FBN1: variants seen among roughly 807,000 people sequenced by gnomAD.
FBN1 encodes fibrillin 1.
Under a neutral mutation model 365.1 loss-of-function variants are expected in FBN1, and 29 were observed. The ratio of observed to expected loss-of-function variants is 0.08; its 90% CI spans 0.06 to 0.11. The LOEUF (loss-of-function observed/expected upper bound fraction) is 0.11, where lower values mean the gene tolerates loss of function less well. Among genes scored for constraint, FBN1 ranks in the 10% least tolerant of loss-of-function variants. The pLI is 1.00. For missense variants in FBN1, 2,476 were observed against 3,703.2 expected (o/e 0.67, Z 8.60); for synonymous variants, 1,210 against 1,270.5 (o/e 0.95, Z 1.01).
At chr15:48,482,087 C>G (rs1262303380) in intron 31 of FBN1, among the ~76,000 whole-genome samples, 1 of 152,156 alleles carries the variant, frequency 6.6e-6, no homozygotes, top group African/African-American at 2.4e-5. Flanking sequence ...GAACAGCATA[C>G]TCTATTGCAG....
At chr15:48,534,230 G>GA (rs373084568) in intron 7 of FBN1, 25 bp from the exon 8 acceptor site, 150,393 of 1,108,956 alleles carry the variant, frequency 0.14, no homozygotes, top group South Asian at 0.19. Flanking sequence ...AAGACAGAGA[G>GA]AAAAAAAAAA....
At chr15:48,445,125 TA>T (rs1048863771) in intron 48 of FBN1, among the ~76,000 whole-genome samples, 32 of 135,844 alleles carry the variant, frequency 2.4e-4, no homozygotes, top group African/African-American at 8.8e-4. Flanking sequence ...TATATACACA[TA>T]TATATATATA....
intron 49 of FBN1, among the ~76,000 whole-genome samples, chr15:48,443,222 T>C (rs2043129969): frequency 6.6e-6 from 1 of 152,214 alleles, no homozygotes; most frequent in South Asian, 2.1e-4. Context: ...AATTACTCCA[T>C]TCTGACACTC....
At chr15:48,486,968 A>G (rs2043512093) in intron 29 of FBN1, 107 bp downstream of exon 29, 2 of 872,764 alleles carry the variant, frequency 2.3e-6, no homozygotes, top group Admixed American at 7.3e-5. Context: ...GAGTACATAG[A>G]GTGTTTTAGG....
intron 6 of FBN1, among the ~76,000 whole-genome samples, chr15:48,591,088 A>C (rs2044473128): frequency 6.6e-6 from 1 of 152,232 alleles, no homozygotes; most frequent in African/African-American, 2.4e-5. Context: ...AAAAGGCTTC[A>C]TCCTCTGGCT....
chr15:48,602,628 T>C (rs1034611602), intron 4 of FBN1, among the ~76,000 whole-genome samples: 1 of 152,138 alleles, frequency 6.6e-6, no homozygotes, highest in Non-Finnish European at 1.5e-5. Context: ...CATGTATGAA[T>C]GCAGAAATAA....
At chr15:48,633,671 G>A (rs978443120) in intron 2 of FBN1, among the ~76,000 whole-genome samples, 11 of 152,120 alleles carry the variant, frequency 7.2e-5, no homozygotes, top group South Asian at 2.1e-4. Flanking sequence ...AGGGCTGACC[G>A]CTGAGAGAGT....
intron 6 of FBN1, among the ~76,000 whole-genome samples, chr15:48,539,574 G>A (rs1163757888): frequency 6.6e-6 from 1 of 152,140 alleles, no homozygotes; most frequent in Non-Finnish European, 1.5e-5. Context: ...CTATGAGGAT[G>A]ATGAATTGAA....
At chr15:48,571,312 T>C (rs572212315) in intron 6 of FBN1, among the ~76,000 whole-genome samples, 2 of 152,272 alleles carry the variant, frequency 1.3e-5, no homozygotes, top group African/African-American at 4.8e-5. Flanking sequence ...AGATCTGTCT[T>C]AGGCCTACAA....
intron 55 of FBN1, 48 bp downstream of exon 55, chr15:48,432,818 C>G (rs1454487066): frequency 6.2e-7 from 1 of 1,611,060 alleles, no homozygotes; most frequent in Non-Finnish European, 8.5e-7. Flanking sequence ...CATCTCCCCT[C>G]ACAGATAAAG....
intron 26 of FBN1, 62 bp downstream of exon 26, chr15:48,488,306 G>A (rs1304016020): frequency 4.3e-6 from 7 of 1,611,392 alleles, no homozygotes; most frequent in Non-Finnish European, 5.9e-6. Context: ...GCGACAATAT[G>A]TTAAAGATAA....
intron 4 of FBN1, among the ~76,000 whole-genome samples, chr15:48,604,822 T>C (rs2044594030): frequency 6.6e-6 from 1 of 152,212 alleles, no homozygotes; most frequent in South Asian, 2.1e-4. Context: ...ACTTTCAGGA[T>C]GGTTGCACCA....
intron 2 of FBN1, among the ~76,000 whole-genome samples, chr15:48,635,434 A>T (rs926077572): frequency 6.6e-6 from 1 of 152,156 alleles, no homozygotes; most frequent in Non-Finnish European, 1.5e-5. Context: ...TAATGTGGCT[A>T]CTCCATTTAT....
In FBN1 at chr15:48,441,638, C is replaced by T. The variant is rs914577793; in HGVS notation, c.6163+83G>A. On this transcript the variant is annotated intron_variant, in intron 50 of 65. Transcript: ENST00000316623. Reference sequence around the variant, plus strand: ...CTCCATCTTCCTGTTCACAAAGAAACAGAGCTTTGCCATGTTTGAAAAATA... The same window carrying T: ...CTCCATCTTCCTGTTCACAAAGAAATAGAGCTTTGCCATGTTTGAAAAATA... The T allele has an allele frequency of 3.2e-5, 49 of 1,545,468 alleles. No homozygotes were observed. In the Admixed American group the frequency reaches 7.5e-4, roughly 24 times the overall value.
intron 2 of FBN1, among the ~76,000 whole-genome samples, chr15:48,638,693 T>TA (rs1890144482): frequency 6.6e-6 from 1 of 151,596 alleles, no homozygotes; most frequent in East Asian, 1.9e-4. Context: ...CAACCAAGGT[T>TA]AAAAAATGAA....
In FBN1 at chr15:48,421,471, A is replaced by G. The variant is rs1389584926; in HGVS notation, c.7699+87T>C. 4 of 1,511,658 alleles carry G rather than the reference A, an allele frequency of 2.6e-6. No individual in the cohort carries two copies. In the East Asian group the frequency reaches 9.6e-5, roughly 36 times the overall value. 93.6% of individuals were successfully genotyped at this position (1,511,658 alleles called of 1,614,324 possible). A position where few individuals can be genotyped will look rare whatever the true frequency, so the allele number is the denominator to read the frequency against. On this transcript the variant is annotated intron_variant, in intron 62 of 65. Transcript: ENST00000316623. ...CCTGGGCTCAGATCTGCTATCTCAT[A>G]GAGGCTGATGATGAAGGTGCCAATA...
At chr15:48,441,524 A>G (rs1332497657) in intron 50 of FBN1, among the ~76,000 whole-genome samples, 197 bp downstream of exon 50, 1 of 152,192 alleles carries the variant, frequency 6.6e-6, no homozygotes, top group Admixed American at 6.5e-5. Context: ...ATAAGCAACC[A>G]TAACTTGATG....
intron 6 of FBN1, among the ~76,000 whole-genome samples, chr15:48,572,076 A>AT (rs1364707959): frequency 6.6e-6 from 1 of 152,222 alleles, no homozygotes; most frequent in Non-Finnish European, 1.5e-5. Flanking sequence ...TTAAATGAGC[A>AT]TATTAAACAT....
chr15:48,504,172 G>C (rs1281768361), intron 16 of FBN1, among the ~76,000 whole-genome samples: 2 of 152,204 alleles, frequency 1.3e-5, no homozygotes, highest in African/African-American at 4.8e-5. Context: ...TTTCTAGGGA[G>C]TATCATGGTT....
Sources: allele counts gnomAD v4.1 joint callset (sites outside exome capture counted in the v4.1 genomes callset), GRCh38; gene constraint gnomAD v4.1.1; transcripts MANE v1.5; gene names NCBI Gene and HGNC (gene_info 2026-07-23, HGNC 2026-07-21).